Variants in NAV2 observed in about 807,000 individuals in gnomAD.
NAV2 encodes neuron navigator 2, also known as helicase, APC down-regulated 1.
A neutral mutation model predicts 223.2 loss-of-function variants in NAV2; 54 were observed. The ratio of observed to expected loss-of-function variants is 0.24; its 90% CI spans 0.19 to 0.30. The LOEUF is 0.30. Ranked by LOEUF, NAV2 falls within the 10% of genes least tolerant of loss-of-function variation. NAV2 has a pLI of 1.00. For synonymous variants in NAV2, 1,279 were observed against 1,239.3 expected, an observed-to-expected ratio of 1.03 and a Z score of -0.67; for missense variants, 2,806 against 3,147.5, an observed-to-expected ratio of 0.89 and a Z score of 2.60.
At chr11:19,394,463 C>T (rs2729861) in intron 1 of NAV2, among the ~76,000 whole-genome samples, 3,160 of 152,248 alleles carry the variant, frequency 0.021, 93 homozygotes, top group African/African-American at 0.072. Context: ...AGACTCTGGG[C>T]GCATAGTGGT....
At chr11:20,022,410 G>A (rs2054584100) in intron 11 of NAV2, 1 of 313,430 alleles carries the variant, frequency 3.2e-6, no homozygotes, top group South Asian at 1.3e-4. Context: ...TTTTTCTTTT[G>A]AAATAAGTAG....
rs969279244 is a variant in NAV2, at chr11:20,117,425, T to C, written c.7165-708T>C. Among the ~76,000 whole-genome samples the C allele has an allele frequency of 3.9e-5, 6 of 152,308 alleles. No homozygotes were observed. In the East Asian group the frequency reaches 7.7e-4, roughly 20 times the overall value. On this transcript the variant is annotated intron_variant, in intron 37 of 37. Transcript: ENST00000349880. ...CCCTACTTCAACCCTATGAGAAGTG[T>C]TGCCATTCTCCCCATTCCACAGATG...
At chr11:19,966,440 G>C (rs1275634194) in intron 10 of NAV2, among the ~76,000 whole-genome samples, 1 of 152,084 alleles carries the variant, frequency 6.6e-6, no homozygotes, top group African/African-American at 2.4e-5. Flanking sequence ...TTTTGCATTT[G>C]AGAAGCTAAC....
chr11:20,091,103 G>A (rs2255322), intron 27 of NAV2, 85 bp downstream of exon 27: 1,236,656 of 1,436,780 alleles, frequency 0.86, 533,617 homozygotes, highest in East Asian at 0.96. Flanking sequence ...CCTGAGGGCT[G>A]CATCAGAATC....
chr11:19,447,169 C>A (rs1037798816), intron 1 of NAV2, among the ~76,000 whole-genome samples: 6 of 152,224 alleles, frequency 3.9e-5, no homozygotes, highest in African/African-American at 1.2e-4. Flanking sequence ...TAACCTGAAT[C>A]CTTTTCCAAA....
At chr11:19,750,086 C>T (rs2053676879) in intron 1 of NAV2, among the ~76,000 whole-genome samples, 1 of 152,224 alleles carries the variant, frequency 6.6e-6, no homozygotes, top group Non-Finnish European at 1.5e-5. Flanking sequence ...TTCGGCATTA[C>T]TTGATTTCTC....
chr11:19,659,587 T>C (rs1300349946), intron 1 of NAV2, among the ~76,000 whole-genome samples: 1 of 152,100 alleles, frequency 6.6e-6, no homozygotes, highest in African/African-American at 2.4e-5. Context: ...CTGAGCTATA[T>C]AGGGACACAT....
intron 10 of NAV2, among the ~76,000 whole-genome samples, chr11:19,979,945 T>C (rs115019473): frequency 0.018 from 2,714 of 152,312 alleles, 73 homozygotes; most frequent in African/African-American, 0.06. Context: ...TAACACTTGA[T>C]AAGATTATTT....
chr11:19,807,603 T>C (rs1222567988), intron 1 of NAV2, among the ~76,000 whole-genome samples: 1 of 152,124 alleles, frequency 6.6e-6, no homozygotes, highest in Non-Finnish European at 1.5e-5. Context: ...TGCTCTTCTC[T>C]CTCCCTCTAG....
rs1354148784 is a variant in NAV2, at chr11:19,861,039, A to AGGGAGG, written c.439-7869_439-7864dup. 1.3e-3 allele frequency among the ~76,000 whole-genome samples: 62 copies of AGGGAGG among 46,044 alleles called. No individual in the cohort carries two copies. In the South Asian group the frequency reaches 0.02, roughly 15 times the overall value. The allele number at this position is 46,044 out of a possible 152,430, so 30.2% of individuals were successfully genotyped here. A position where few individuals can be genotyped will look rare whatever the true frequency, so the allele number is the denominator to read the frequency against. On this transcript the variant is annotated intron_variant, in intron 3 of 37. Coordinates refer to ENST00000349880, the MANE Select transcript of NAV2 (RefSeq NM_145117.5). ...GACGGTGGAAAGAGGGCAGAGGGAG[A>AGGGAGG]GGGAGGGGGAGGGGGAGGGGGAAAG...
chr11:19,794,636 G>A lies in NAV2; in HGVS notation c.268-37848G>A, dbSNP rs148624077. ...TGGCTTCATCCTGTCCTGTTAGCAG[G>A]GAGTTACTTCCTTGGCTTTGTTCCT... On this transcript the variant is annotated intron_variant, in intron 1 of 37. Transcript: ENST00000349880. Among the ~76,000 whole-genome samples the A allele has an allele frequency of 4.2e-3, 632 of 152,236 alleles. 2 individuals are homozygous for A. The highest frequency in any genetic ancestry group is 6.9e-3 in the Non-Finnish European group (470 of 68,012).
rs80269933 is a variant in NAV2, at chr11:19,550,262, G to C, written c.75+199235G>C. On this transcript the variant is annotated intron_variant, in intron 1 of 37. Transcript: ENST00000360655. ...TCATTTAATAAAATGGCCATATGAA[G>C]AAAATCAGCTGAGAAACTCCACATT... 4.6e-3 allele frequency among the ~76,000 whole-genome samples: 708 copies of C among 152,290 alleles called. 8 individuals are homozygous for C. The highest frequency in any genetic ancestry group is 0.016 in the African/African-American group (672 of 41,562).
rs543541435 is a variant in NAV2 at position 19,633,386 on chromosome 11, G to A, written c.76-199098G>A. 6.6e-5 allele frequency among the ~76,000 whole-genome samples: 10 copies of A among 152,366 alleles called. No individual in the cohort carries two copies. The South Asian group carries it at 2.1e-3, about 32-fold the overall frequency. On this transcript the variant is annotated intron_variant, in intron 1 of 37. Coordinates refer to the NAV2 transcript ENST00000360655. ...ACACTGGGTCCTTACCTGCCAACAGGGCTAAGAGGTACTCAGCCCGCCAAG... is the reference window on the plus strand; with the variant it reads ...ACACTGGGTCCTTACCTGCCAACAGAGCTAAGAGGTACTCAGCCCGCCAAG...
chr11:19,422,661 C>G (rs990398803), intron 1 of NAV2, among the ~76,000 whole-genome samples: 5 of 152,226 alleles, frequency 3.3e-5, no homozygotes, highest in African/African-American at 1.2e-4. Context: ...CCAGCCTGTT[C>G]TGCATGGCAA....
chr11:19,552,895 G>C (rs1019380622), intron 1 of NAV2, among the ~76,000 whole-genome samples: 3 of 151,726 alleles, frequency 2.0e-5, no homozygotes, highest in Non-Finnish European at 2.9e-5. Context: ...GAGTGTGTGT[G>C]GGGGGGAAGG....
intron 1 of NAV2, among the ~76,000 whole-genome samples, chr11:19,827,979 G>A (rs1445498429): frequency 2.0e-5 from 3 of 151,246 alleles, no homozygotes; most frequent in African/African-American, 7.3e-5. Flanking sequence ...AGGGGAGGGT[G>A]GGGAGGGAAT....
intron 1 of NAV2, among the ~76,000 whole-genome samples, chr11:19,392,085 A>C (rs1716192666): frequency 6.6e-6 from 1 of 152,222 alleles, no homozygotes; most frequent in South Asian, 2.1e-4. Flanking sequence ...ACCAAGGATT[A>C]ATCAGACTCT....
At chr11:20,098,831 C>T (rs990698092) in intron 31 of NAV2, among the ~76,000 whole-genome samples, 3 of 152,200 alleles carry the variant, frequency 2.0e-5, no homozygotes, top group African/African-American at 7.2e-5. Flanking sequence ...CAGGGGTACA[C>T]CTCAAGCACA....
chr11:19,496,523 G>A (rs1216650236), intron 1 of NAV2, among the ~76,000 whole-genome samples: 2 of 152,162 alleles, frequency 1.3e-5, no homozygotes, highest in Admixed American at 6.5e-5. Flanking sequence ...CTAACAACAT[G>A]GTAGCTGACT....
Sources: gnomAD v4.1 joint callset for allele counts (sites outside exome capture counted in the v4.1 genomes callset) on GRCh38, gnomAD v4.1.1 for gene constraint, MANE v1.5 for transcripts, NCBI Gene and HGNC (gene_info 2026-07-23, HGNC 2026-07-21) for gene names.